The following MAD1L1 variants were observed in gnomAD, a reference collection of about 807,000 sequenced individuals.
MAD1L1 encodes the protein mitotic spindle assembly checkpoint protein MAD1.
A neutral mutation model predicts 96.9 loss-of-function variants in MAD1L1; 95 were observed. The ratio of observed to expected loss-of-function variants is 0.98; its 90% confidence interval spans 0.83 to 1.16. The LOEUF (loss-of-function observed/expected upper bound fraction) is 1.16, where lower values mean the gene tolerates loss of function less well. MAD1L1 is among the 50% of genes most tolerant of loss of function. The pLI is 0.00. For synonymous variants in MAD1L1, 473 were observed against 396.6 expected, an observed-to-expected ratio of 1.19 and a Z score of -2.29; for missense variants, 1,007 against 954.4, an observed-to-expected ratio of 1.06 and a Z score of -0.73.
intron 11 of MAD1L1, among the ~76,000 whole-genome samples, chr7:2,139,235 CG>C (rs1285887807): frequency 2.6e-5 from 4 of 151,938 alleles, no homozygotes; most frequent in African/African-American, 9.7e-5. Context: ...TCACACGGCC[CG>C]ACCCCCTGAG....
chr7:2,205,084 C>CTTTTTTTTTTT (rs56101356), intron 10 of MAD1L1, among the ~76,000 whole-genome samples: 6 of 103,860 alleles, frequency 5.8e-5, no homozygotes, highest in Non-Finnish European at 7.3e-5. Flanking sequence ...AGGATCTTTT[C>CTTTTTTTTTTT]TTTTTTTTTT....
chr7:2,004,155 C>A (rs1402977135), intron 13 of MAD1L1, among the ~76,000 whole-genome samples: 1 of 152,192 alleles, frequency 6.6e-6, no homozygotes, highest in African/African-American at 2.4e-5. Flanking sequence ...TCTACCAGCA[C>A]CCACAGGCCA....
At chr7:2,118,721 G>A (rs11977470) in intron 11 of MAD1L1, among the ~76,000 whole-genome samples, 54 of 152,318 alleles carry the variant, frequency 3.5e-4, no homozygotes, top group African/African-American at 1.2e-3. Flanking sequence ...ATGCCGCCAA[G>A]GAGCAGGCTC....
At chr7:2,135,678 C>A (rs3778992) in intron 11 of MAD1L1, among the ~76,000 whole-genome samples, 4 of 151,978 alleles carry the variant, frequency 2.6e-5, no homozygotes, top group South Asian at 2.1e-4. Context: ...TCACAGCGAC[C>A]CTCGGGACAA....
rs2128575720 is a variant in MAD1L1 at position 2,142,544 on chromosome 7, CCA to C, written c.1073+6606_1073+6607del. ...GGAGCGCCCCTAGCTGCCACTGAGC[CCA>C]CGGTGAAGGGCACGGTGCCACCCAG... On this transcript the variant is annotated intron_variant, in intron 11 of 18. Transcript: ENST00000265854. The surrounding 1 kb of genome is among the most constrained non-coding windows in gnomAD (Gnocchi z 4.7). Among the ~76,000 whole-genome samples the C allele has an allele frequency of 6.6e-6, 1 of 152,338 alleles. No homozygotes were observed. The highest frequency in any genetic ancestry group is 2.4e-5 in the African/African-American group (1 of 41,582).
In MAD1L1 at chr7:1,976,078, T is replaced by C. The variant is rs867497461; in HGVS notation, c.1505+4375A>G. Among the ~76,000 whole-genome samples, 7 of 152,334 alleles carry C rather than the reference T, an allele frequency of 4.6e-5. No homozygotes were observed. The South Asian group carries it at 6.2e-4, about 14-fold the overall frequency. ...CTCTAGCTTCAGTGTTGAAAAACGATGCTATGTGATACATGTCATTCACAT... is the reference window on the plus strand; with the variant it reads ...CTCTAGCTTCAGTGTTGAAAAACGACGCTATGTGATACATGTCATTCACAT... On this transcript the variant is annotated intron_variant, in intron 15 of 18. Transcript: ENST00000265854.
chr7:2,074,812 T>A (rs1206992568), intron 11 of MAD1L1, among the ~76,000 whole-genome samples: 4 of 151,868 alleles, frequency 2.6e-5, no homozygotes, highest in African/African-American at 9.7e-5. Flanking sequence ...AGGTGCCTCC[T>A]GACACTGGAG....
chr7:1,947,425 G>T (rs1428322267), intron 16 of MAD1L1, among the ~76,000 whole-genome samples: 1 of 152,248 alleles, frequency 6.6e-6, no homozygotes, highest in Non-Finnish European at 1.5e-5. Flanking sequence ...TTTATAGATC[G>T]TCCGGCGTCA....
At chr7:2,224,105 GCTGTGCCACACAATGGAGATC>G (rs1793754436) in intron 4 of MAD1L1, among the ~76,000 whole-genome samples, 3 of 152,142 alleles carry the variant, frequency 2.0e-5, no homozygotes, top group Admixed American at 2.0e-4. Flanking sequence ...AATGCCATAA[GCTGTGCCACACAATGGAGATC>G]CTGGGCAGAG....
At position 1,859,589 on chromosome 7, in the gene MAD1L1, T is replaced by G. The variant is rs1305042966; in HGVS notation, c.1998+38611A>C. ...TCTGGGGACCTTATGGCACCCATGA[T>G]GGGGACCTTGCCAGCAAGGAGTGGA... On this transcript the variant is annotated intron_variant, in intron 18 of 18. Transcript: ENST00000265854. Among the ~76,000 whole-genome samples, 5 of 152,244 alleles carry G rather than the reference T, an allele frequency of 3.3e-5. No individual in the cohort carries two copies. The South Asian group carries it at 1.0e-3, about 32-fold the overall frequency.
At position 1,900,019 on chromosome 7, in the gene MAD1L1, G is replaced by C. The variant is rs115123555; in HGVS notation, c.1808-1629C>G. On this transcript the variant is annotated intron_variant, in intron 17 of 18. Transcript: ENST00000265854. ...TCTGCCTGCAACACGGACACAGGCA[G>C]GCAGCTGCCTTCAGAGGTGTTAGGC... is the stretch of plus-strand genomic sequence containing the variant. Among the ~76,000 whole-genome samples the C allele has an allele frequency of 8.0e-3, 1,216 of 152,344 alleles. 15 individuals are homozygous for C. Among genetic ancestry groups the C allele is most frequent in the African/African-American group, 0.027 (1,138 of 41,576 alleles).
rs1584571607 is a variant in MAD1L1 at position 2,215,891 on chromosome 7, C to T, written c.918G>A (p.Glu306=). ...MQETLVGLEL[E]NERLLAKLQS... ...ACACCACACAGGCCCTCACCTCGTT[C>T]TCCAGCTCCAAGCCAACCAGCGTCT... Residue 306 remains glutamate (E), a synonymous_variant, in exon 9 of 19, where the codon GAG becomes GAA. Transcript: ENST00000265854. The T allele has an allele frequency of 6.2e-7, 1 of 1,614,190 alleles. No homozygotes were observed. The highest frequency in any genetic ancestry group is 2.2e-5 in the East Asian group (1 of 44,884).
intron 11 of MAD1L1, among the ~76,000 whole-genome samples, chr7:2,107,044 G>T (rs563041426): frequency 5.3e-5 from 8 of 152,358 alleles, no homozygotes; most frequent in Admixed American, 2.6e-4. Context: ...CCAAGGACAG[G>T]AAGGGCACCC....
intron 18 of MAD1L1, among the ~76,000 whole-genome samples, chr7:1,884,052 G>A (rs1006976647): frequency 7.6e-6 from 1 of 132,342 alleles, no homozygotes; most frequent in Non-Finnish European, 1.6e-5. Context: ...TCACAACCAC[G>A]CCAGAGCGAG....
intron 10 of MAD1L1, chr7:2,209,988 T>A (rs527531169): frequency 3.9e-5 from 6 of 152,260 alleles, no homozygotes; most frequent in Non-Finnish European, 8.8e-5. Context: ...CCACATTCAA[T>A]GCTGCCAGAC....
At chr7:2,171,863 T>C (rs1790723718) in intron 10 of MAD1L1, among the ~76,000 whole-genome samples, 1 of 152,190 alleles carries the variant, frequency 6.6e-6, no homozygotes, top group Non-Finnish European at 1.5e-5. Flanking sequence ...AAAGGGGCCA[T>C]GAGACCACGC....
chr7:1,898,439 G>A (rs368592195), intron 17 of MAD1L1, 49 bp from the exon 18 acceptor site: 149 of 1,566,462 alleles, frequency 9.5e-5, no homozygotes, highest in Non-Finnish European at 1.2e-4. Context: ...AGGCCGGAGG[G>A]GTGGGGACCC....
chr7:2,151,928 T>C (rs1031482270), intron 10 of MAD1L1, among the ~76,000 whole-genome samples: 9 of 152,186 alleles, frequency 5.9e-5, no homozygotes, highest in African/African-American at 2.2e-4. Context: ...AGGAGAAACC[T>C]GAGTACTCTG....
At chr7:2,093,878 G>A (rs1315792207) in intron 11 of MAD1L1, among the ~76,000 whole-genome samples, 1 of 152,238 alleles carries the variant, frequency 6.6e-6, no homozygotes, top group Non-Finnish European at 1.5e-5. Context: ...TCCATCAGCT[G>A]AAAAGCCTCA....
Sources: allele counts gnomAD v4.1 joint callset (sites outside exome capture counted in the v4.1 genomes callset), GRCh38; gene constraint gnomAD v4.1.1; non-coding constraint Gnocchi (gnomAD v3.1); transcripts MANE v1.5; gene names NCBI Gene and HGNC (gene_info 2026-07-23, HGNC 2026-07-21).